The following BCL2L14 variants were observed in gnomAD, a reference collection of about 807,000 sequenced individuals.
The protein encoded by BCL2L14 is apoptosis facilitator Bcl-2-like protein 14.
A neutral mutation model predicts 35.3 loss-of-function variants in BCL2L14; 27 were observed. That is an observed-to-expected ratio of 0.76 (90% confidence interval 0.56 to 1.05). BCL2L14 has a LOEUF of 1.05. Ranked by LOEUF, BCL2L14 falls within the 50% of genes least tolerant of loss-of-function variation. The probability of loss-of-function intolerance (pLI) is 0.00; values close to 1 mark genes in which losing one functional copy is unlikely to be tolerated. For missense variants in BCL2L14, 377 were observed against 382.6 expected, an observed-to-expected ratio of 0.99 and a Z score of 0.12; for synonymous variants, 139 against 145.9, an observed-to-expected ratio of 0.95 and a Z score of 0.34.
intron 2 of BCL2L14, among the ~76,000 whole-genome samples, chr12:12,059,876 G>T (rs370498215): frequency 2.2e-4 from 33 of 152,184 alleles, no homozygotes; most frequent in East Asian, 5.8e-4. Context: ...TCTAAATAAT[G>T]CTTGTCGTAA....
At chr12:12,095,523 C>T in intron 5 of BCL2L14, 1 of 985,442 alleles carries the variant, frequency 1.0e-6, no homozygotes, top group Admixed American at 6.1e-5. Flanking sequence ...TCCCTCATCC[C>T]CAGTTCCTCA....
At chr12:12,095,018 C>T in intron 5 of BCL2L14, 88 bp downstream of exon 5, 1 of 1,497,344 alleles carries the variant, frequency 6.7e-7, no homozygotes, top group Non-Finnish European at 8.8e-7. Flanking sequence ...GAAGGGAACA[C>T]ATCTATGAAG....
intron 5 of BCL2L14, chr12:12,095,342 T>TG (rs1267709708): frequency 6.1e-6 from 6 of 985,334 alleles, no homozygotes; most frequent in Admixed American, 6.1e-5. Flanking sequence ...CTAAGCCTCA[T>TG]GCAGAGACTC....
chr12:12,065,706 A>T (rs1948586035), intron 2 of BCL2L14, among the ~76,000 whole-genome samples: 1 of 152,088 alleles, frequency 6.6e-6, no homozygotes, highest in Non-Finnish European at 1.5e-5. Flanking sequence ...GGGCTGCTTA[A>T]GAGTCCAGAG....
chr12:12,055,242 T>C (rs1948414329), intron 2 of BCL2L14: 1 of 152,292 alleles, frequency 6.6e-6, no homozygotes, highest in South Asian at 2.1e-4. Context: ...CTGAAAAGTT[T>C]TGTAATTACA....
chr12:12,074,724 C>A (rs1948742143), intron 1 of BCL2L14, among the ~76,000 whole-genome samples: 2 of 152,218 alleles, frequency 1.3e-5, no homozygotes, highest in Admixed American at 1.3e-4. Context: ...CAGGCGTGAG[C>A]CACCGCGCCC....
intron 4 of BCL2L14, chr12:12,094,450 C>G (rs893603651): frequency 2.6e-5 from 36 of 1,375,790 alleles, no homozygotes; most frequent in South Asian, 1.1e-4. Flanking sequence ...CCATTTTATA[C>G]ATGTATTTGT....
In BCL2L14 at chr12:12,079,942, C is replaced by G. The variant is rs977788760; in HGVS notation, c.433+204C>G. On this transcript the variant is annotated intron_variant, in intron 2 of 5. Coordinates refer to ENST00000308721, the MANE Select transcript of BCL2L14 (RefSeq NM_138723.2). Reference sequence around the variant, plus strand: ...GTTGCTGCCTGGGCGCGGTGGCTCACGCCTGTAATCCCAGCACTCTGGGAG... The same window carrying G: ...GTTGCTGCCTGGGCGCGGTGGCTCAGGCCTGTAATCCCAGCACTCTGGGAG... Among the ~76,000 whole-genome samples, 9 of 152,240 alleles carry G rather than the reference C, an allele frequency of 5.9e-5. No homozygotes were observed. In the East Asian group the frequency reaches 1.7e-3, roughly 30 times the overall value.
At chr12:12,097,796 AAC>A (rs942686737) in intron 5 of BCL2L14, among the ~76,000 whole-genome samples, 5 of 152,188 alleles carry the variant, frequency 3.3e-5, no homozygotes, top group African/African-American at 1.2e-4. Flanking sequence ...GGAGAAAAAA[AAC>A]AGTTCCAATT....
At chr12:12,062,544 T>C (rs2136717272) in intron 2 of BCL2L14, among the ~76,000 whole-genome samples, 1 of 151,752 alleles carries the variant, frequency 6.6e-6, no homozygotes, top group East Asian at 1.9e-4. Context: ...CAGGGATTAT[T>C]CAGGTCCCCT....
chr12:12,093,140 C>A lies in BCL2L14; in HGVS notation c.679-1524C>A, dbSNP rs571800786. On this transcript the variant is annotated intron_variant, in intron 4 of 5. Coordinates refer to ENST00000308721, the MANE Select transcript of BCL2L14 (RefSeq NM_138723.2). ...TCAAAGGAGGTAAAGCAGAGAGATACCAGGTTCAAGGGAAGGCCGGGAGGT... is the reference window on the plus strand; with the variant it reads ...TCAAAGGAGGTAAAGCAGAGAGATAACAGGTTCAAGGGAAGGCCGGGAGGT... Among the ~76,000 whole-genome samples, 4 of 152,196 alleles carry A rather than the reference C, an allele frequency of 2.6e-5. No homozygotes were observed. The South Asian group carries it at 8.3e-4, about 32-fold the overall frequency.
chr12:12,070,423 G>A (rs1005452349), upstream of BCL2L14, among the ~76,000 whole-genome samples: 10 of 152,282 alleles, frequency 6.6e-5, no homozygotes, highest in African/African-American at 1.4e-4. Flanking sequence ...AGTGGCTTAC[G>A]CCTGTAATCC....
chr12:12,057,357 G>C lies in BCL2L14; in HGVS notation c.-272+5510G>C, dbSNP rs1384970308. On this transcript the variant is annotated intron_variant, in intron 2 of 3. Coordinates refer to the BCL2L14 transcript ENST00000461264. ...CTATAAAATCAGATAATCCCCAAAG[G>C]CTCTAACATTCCATTGAAAGGATAT... Among the ~76,000 whole-genome samples the C allele has an allele frequency of 2.6e-5, 4 of 152,094 alleles. No homozygotes were observed. The South Asian group carries it at 8.3e-4, about 32-fold the overall frequency.
At chr12:12,064,259 A>T (rs1213979600) in intron 2 of BCL2L14, among the ~76,000 whole-genome samples, 1 of 151,948 alleles carries the variant, frequency 6.6e-6, no homozygotes, top group African/African-American at 2.4e-5. Flanking sequence ...CCTCCAGAGT[A>T]TGGGACTACA....
chr12:12,075,192 C>T (rs183877619), intron 1 of BCL2L14, among the ~76,000 whole-genome samples: 6 of 151,664 alleles, frequency 4.0e-5, no homozygotes, highest in African/African-American at 1.2e-4. Context: ...GCGCGATCCC[C>T]GCTCACTGCA....
At chr12:12,097,450 G>C (rs1949340529) in intron 5 of BCL2L14, among the ~76,000 whole-genome samples, 1 of 152,218 alleles carries the variant, frequency 6.6e-6, no homozygotes. Context: ...GCCATATACT[G>C]TATGATTCCA....
rs766557617 is a variant in BCL2L14, at chr12:12,098,932, C to A, written c.946-18C>A. 18 of 1,553,092 alleles carry A rather than the reference C, an allele frequency of 1.2e-5. No homozygotes were observed. The highest frequency in any genetic ancestry group is 8.4e-5 in the Admixed American group (5 of 59,870). On this transcript the variant is annotated intron_variant, in intron 5 of 5. Coordinates refer to ENST00000308721, the MANE Select transcript of BCL2L14 (RefSeq NM_138723.2). ...TAAATCTAACTTGGAATTTTAAGAA[C>A]CTATTTTTCCCCTCTAGGAAAAAAT...
chr12:12,073,596 GCACGCGCACA>G (rs1591816002), intron 1 of BCL2L14, among the ~76,000 whole-genome samples: 1 of 149,836 alleles, frequency 6.7e-6, no homozygotes. Context: ...AAACATGCAT[GCACGCGCACA>G]CACACACACA....
chr12:12,078,212 C>T (rs1345434371), intron 1 of BCL2L14: 1 of 173,498 alleles, frequency 5.8e-6, no homozygotes, highest in Admixed American at 6.0e-5. Flanking sequence ...ATGCTTTTTT[C>T]AGATGAAATC....
Sources: allele counts gnomAD v4.1 joint callset (sites outside exome capture counted in the v4.1 genomes callset), GRCh38; gene constraint gnomAD v4.1.1; transcripts MANE v1.5; gene names NCBI Gene and HGNC (gene_info 2026-07-23, HGNC 2026-07-21).